The following KHDRBS2 variants were observed in gnomAD, a reference collection of about 807,000 sequenced individuals.
KHDRBS2 encodes the protein KH domain-containing, RNA-binding, signal transduction-associated protein 2.
KHDRBS2 carries 26 observed loss-of-function variants against 44.3 expected under a neutral mutation model. That is an observed-to-expected ratio of 0.59 (90% CI 0.43 to 0.81). The LOEUF (loss-of-function observed/expected upper bound fraction) is 0.81. Ranked by LOEUF, KHDRBS2 falls within the 40% of genes least tolerant of loss-of-function variation. KHDRBS2 has a pLI of 0.00. For synonymous variants in KHDRBS2, 194 were observed against 151.1 expected, an observed-to-expected ratio of 1.28 and a Z score of -2.08; for missense variants, 476 against 433.1, an observed-to-expected ratio of 1.10 and a Z score of -0.88.
chr6:61,695,821 G>A (rs1428696704), intron 8 of KHDRBS2, among the ~76,000 whole-genome samples: 2 of 152,026 alleles, frequency 1.3e-5, no homozygotes, highest in Non-Finnish European at 2.9e-5. Context: ...TGGTTTTAAG[G>A]AAGATACTCT....
chr6:61,938,287 T>C (rs1174495976), intron 4 of KHDRBS2, among the ~76,000 whole-genome samples: 1 of 152,134 alleles, frequency 6.6e-6, no homozygotes, highest in Non-Finnish European at 1.5e-5. Flanking sequence ...TAAAAAGGTT[T>C]CATGGAATAG....
chr6:61,787,348 T>C (rs1244705380), intron 6 of KHDRBS2, among the ~76,000 whole-genome samples: 3 of 151,752 alleles, frequency 2.0e-5, no homozygotes, highest in African/African-American at 7.2e-5. Context: ...AGTGAAATTA[T>C]GTATGACTTC....
At chr6:61,753,155 T>C (rs1777978101) in intron 6 of KHDRBS2, among the ~76,000 whole-genome samples, 1 of 152,088 alleles carries the variant, frequency 6.6e-6, no homozygotes, top group African/African-American at 2.4e-5. Context: ...TGCTCTTTCT[T>C]TCTCTCTCCC....
chr6:61,823,608 T>C (rs1328376662), intron 6 of KHDRBS2, among the ~76,000 whole-genome samples: 1 of 152,114 alleles, frequency 6.6e-6, no homozygotes, highest in African/African-American at 2.4e-5. Flanking sequence ...GTTCATTTTA[T>C]GATTATCCTC....
At chr6:61,881,520 A>G (rs773794226) in intron 6 of KHDRBS2, among the ~76,000 whole-genome samples, 5 of 151,986 alleles carry the variant, frequency 3.3e-5, no homozygotes, top group Admixed American at 6.6e-5. Flanking sequence ...AGGAAGAGAC[A>G]GTGAGAAAAT....
intron 1 of KHDRBS2, among the ~76,000 whole-genome samples, chr6:62,248,643 T>C (rs1015810681): frequency 6.6e-6 from 1 of 152,012 alleles, no homozygotes; most frequent in Non-Finnish European, 1.5e-5. Flanking sequence ...CAGTCATGAG[T>C]CACCTTGAAT....
At chr6:61,697,872 G>T (rs1249466885) in intron 7 of KHDRBS2, among the ~76,000 whole-genome samples, 2 of 152,074 alleles carry the variant, frequency 1.3e-5, no homozygotes, top group Admixed American at 6.6e-5. Flanking sequence ...ACTGTTTCCT[G>T]CTGCATCCAC....
intron 6 of KHDRBS2, among the ~76,000 whole-genome samples, chr6:61,836,302 A>C (rs1450299283): frequency 1.3e-5 from 2 of 152,014 alleles, no homozygotes; most frequent in Non-Finnish European, 2.9e-5. Flanking sequence ...ATCTTAGTTA[A>C]TGTATTCCAT....
intron 3 of KHDRBS2, among the ~76,000 whole-genome samples, chr6:62,005,403 T>G (rs1387805743): frequency 3.3e-5 from 5 of 151,988 alleles, no homozygotes; most frequent in African/African-American, 4.8e-5. Flanking sequence ...TTAAAAAAAT[T>G]TATTTGTACT....
At chr6:61,584,417 G>C in the KHDRBS2 span, among the ~76,000 whole-genome samples, 1 of 151,736 alleles carries the variant, frequency 6.6e-6, no homozygotes, top group Non-Finnish European at 1.5e-5. Flanking sequence ...ATATAAATGG[G>C]TAGTTATCAA....
At chr6:61,764,959 A>ATTTAC (rs201776209) in intron 6 of KHDRBS2, among the ~76,000 whole-genome samples, 3 of 96,936 alleles carry the variant, frequency 3.1e-5, no homozygotes, top group Non-Finnish European at 7.4e-5. Context: ...AAAACTTAAT[A>ATTTAC]GTTAAATTAA....
intron 2 of KHDRBS2, among the ~76,000 whole-genome samples, chr6:62,142,073 T>C (rs1360085203): frequency 6.6e-6 from 1 of 151,968 alleles, no homozygotes; most frequent in African/African-American, 2.4e-5. Context: ...CAGTAGCAAC[T>C]CTATGCTTTT....
rs185827929 is a variant in KHDRBS2, at chr6:62,199,957, C to A, written c.92-22645G>T. Among the ~76,000 whole-genome samples, 243 of 152,250 alleles carry A rather than the reference C, an allele frequency of 1.6e-3. 1 individual carries two copies. The highest frequency in any genetic ancestry group is 5.7e-3 in the African/African-American group (235 of 41,540). The stretch of plus-strand genomic sequence containing the variant: ...ATATCTACAACTATCTGATCTTTGA[C>A]AAGCCTGACAAAAACAAGAAATGGA... On this transcript the variant is annotated intron_variant, in intron 1 of 8. Coordinates refer to ENST00000281156, the MANE Select transcript of KHDRBS2 (RefSeq NM_152688.4).
chr6:61,724,568 T>G (rs1773237144), intron 7 of KHDRBS2, among the ~76,000 whole-genome samples: 1 of 152,044 alleles, frequency 6.6e-6, no homozygotes, highest in Non-Finnish European at 1.5e-5. Flanking sequence ...AAGAGACCCA[T>G]CTCATGTGCA....
intron 3 of KHDRBS2, among the ~76,000 whole-genome samples, chr6:62,009,953 A>G (rs1779992401): frequency 6.6e-6 from 1 of 152,164 alleles, no homozygotes; most frequent in Admixed American, 6.5e-5. Flanking sequence ...CCCCATACAG[A>G]GTCCTCACTG....
intron 6 of KHDRBS2, among the ~76,000 whole-genome samples, chr6:61,844,849 T>A (rs1794147508): frequency 6.6e-6 from 1 of 152,220 alleles, no homozygotes; most frequent in South Asian, 2.1e-4. Context: ...TAATTGTTCA[T>A]TTCTTATTTC....
At chr6:61,887,718 G>C (rs1385467221) in intron 6 of KHDRBS2, among the ~76,000 whole-genome samples, 2 of 152,178 alleles carry the variant, frequency 1.3e-5, no homozygotes, top group African/African-American at 4.8e-5. Flanking sequence ...GCTTTACTAA[G>C]AAATTTTATC....
At chr6:62,192,335 T>A (rs1824798256) in intron 1 of KHDRBS2, among the ~76,000 whole-genome samples, 1 of 152,054 alleles carries the variant, frequency 6.6e-6, no homozygotes, top group African/African-American at 2.4e-5. Context: ...AATAAGAGGC[T>A]TTACTGTTGC....
rs1795560093 is a variant in KHDRBS2 at position 61,852,369 on chromosome 6, T to C, written c.810+42266A>G. Reference sequence around the variant, plus strand: ...TTACAAGGTGAAGAGATCGAGACAATCCTGGCCAACATGGTGAAACCCCAT... The same window carrying C: ...TTACAAGGTGAAGAGATCGAGACAACCCTGGCCAACATGGTGAAACCCCAT... On this transcript the variant is annotated intron_variant, in intron 6 of 8. Coordinates refer to ENST00000281156, the MANE Select transcript of KHDRBS2 (RefSeq NM_152688.4). 2.0e-5 allele frequency among the ~76,000 whole-genome samples: 3 copies of C among 150,544 alleles called. No individual in the cohort carries two copies. In the South Asian group the frequency reaches 6.3e-4, roughly 32 times the overall value.
Sources: gnomAD v4.1 joint callset for allele counts (sites outside exome capture counted in the v4.1 genomes callset) on GRCh38, gnomAD v4.1.1 for gene constraint, MANE v1.5 for transcripts, NCBI Gene and HGNC (gene_info 2026-07-23, HGNC 2026-07-21) for gene names.